The following CADM2 variants were observed in gnomAD, a reference collection of about 807,000 sequenced individuals.
CADM2 encodes the protein cell adhesion molecule 2.
In CADM2, 12 loss-of-function variants were observed where a neutral mutation model predicts 49.8. The observed-to-expected ratio is 0.24, with a 90% CI of 0.15 to 0.39. The LOEUF is 0.39. Among genes scored for constraint, CADM2 ranks in the 10% least tolerant of loss-of-function variants. The probability of loss-of-function intolerance (pLI) is 1.00; values close to 1 mark genes in which losing one functional copy is unlikely to be tolerated. For synonymous variants in CADM2, 214 were observed against 175.4 expected (o/e 1.22, Z -1.74); for missense variants, 378 against 492.3 (o/e 0.77, Z 2.20).
At chr3:86,039,387 A>G (rs1381660721) in intron 8 of CADM2, among the ~76,000 whole-genome samples, 4 of 152,154 alleles carry the variant, frequency 2.6e-5, no homozygotes, top group Non-Finnish European at 5.9e-5. Flanking sequence ...TCTCACCCTA[A>G]TACTGTGCTT....
chr3:86,038,570 G>A (rs1380602626), intron 8 of CADM2, among the ~76,000 whole-genome samples: 1 of 152,224 alleles, frequency 6.6e-6, no homozygotes, highest in East Asian at 1.9e-4. Context: ...CCCCTCACAG[G>A]CATGTGCATG....
At chr3:85,435,825 G>A (rs994146557) in intron 1 of CADM2, among the ~76,000 whole-genome samples, 1 of 152,098 alleles carries the variant, frequency 6.6e-6, no homozygotes, top group African/African-American at 2.4e-5. Flanking sequence ...CTTTTGAGAA[G>A]TGCCTGTTCG....
At chr3:85,099,186 A>G (rs1312527331) in intron 1 of CADM2, among the ~76,000 whole-genome samples, 2 of 152,198 alleles carry the variant, frequency 1.3e-5, no homozygotes, top group Non-Finnish European at 2.9e-5. Flanking sequence ...TGTGAAGACA[A>G]CATAATACAT....
chr3:85,267,141 A>ATAAAG (rs1553702341), intron 1 of CADM2, among the ~76,000 whole-genome samples: 2 of 151,234 alleles, frequency 1.3e-5, no homozygotes, highest in Admixed American at 6.6e-5. Flanking sequence ...AAGATTAACC[A>ATAAAG]TAATTTGAAG....
intron 1 of CADM2, among the ~76,000 whole-genome samples, chr3:85,142,293 A>G (rs1400669520): frequency 1.3e-5 from 2 of 152,206 alleles, no homozygotes; most frequent in Non-Finnish European, 2.9e-5. Flanking sequence ...GCCTGTAGCT[A>G]TAGTTTTCTA....
chr3:85,175,827 C>G (rs2040767734), intron 1 of CADM2, among the ~76,000 whole-genome samples: 1 of 146,950 alleles, frequency 6.8e-6, no homozygotes, highest in African/African-American at 2.5e-5. Context: ...AGCGGAGTAA[C>G]AAGAGTAAAA....
chr3:85,112,764 T>G (rs1236698893), intron 1 of CADM2, among the ~76,000 whole-genome samples: 1 of 151,722 alleles, frequency 6.6e-6, no homozygotes, highest in African/African-American at 2.4e-5. Flanking sequence ...CTAACAACAT[T>G]AACGTTAGAC....
chr3:85,262,854 T>C (rs1363859700), intron 1 of CADM2, among the ~76,000 whole-genome samples: 8 of 150,254 alleles, frequency 5.3e-5, no homozygotes, highest in Non-Finnish European at 1.2e-4. Context: ...AAAATCAAAA[T>C]GCATTGATTT....
At chr3:85,050,051 A>G (rs958618960) in intron 1 of CADM2, among the ~76,000 whole-genome samples, 3 of 151,636 alleles carry the variant, frequency 2.0e-5, no homozygotes, top group Non-Finnish European at 2.9e-5. Flanking sequence ...GAATCAATAT[A>G]ATCTTTATGG....
intron 1 of CADM2, among the ~76,000 whole-genome samples, chr3:85,123,295 G>A (rs1182797404): frequency 1.3e-5 from 2 of 152,262 alleles, no homozygotes; most frequent in East Asian, 1.9e-4. Flanking sequence ...AAGCAATGAG[G>A]TTTCTTGTTA....
chr3:85,311,590 A>T (rs2044345667), intron 1 of CADM2, among the ~76,000 whole-genome samples: 2 of 151,822 alleles, frequency 1.3e-5, no homozygotes, highest in African/African-American at 2.4e-5. Context: ...GTTAGCCAGG[A>T]TAGTCTTGAT....
At chr3:85,336,758 A>G (rs1211989291) in intron 1 of CADM2, among the ~76,000 whole-genome samples, 1 of 150,004 alleles carries the variant, frequency 6.7e-6, no homozygotes, top group Non-Finnish European at 1.5e-5. Context: ...AAAATTTCGT[A>G]TATGAAACAT....
At chr3:85,146,995 G>A (rs1015295466) in intron 1 of CADM2, among the ~76,000 whole-genome samples, 3 of 151,998 alleles carry the variant, frequency 2.0e-5, no homozygotes, top group African/African-American at 7.2e-5. Context: ...GAGTAAGGCC[G>A]GGCGCAGTGG....
At chr3:85,300,577 T>C (rs749146661) in intron 1 of CADM2, among the ~76,000 whole-genome samples, 2 of 152,094 alleles carry the variant, frequency 1.3e-5, no homozygotes, top group Non-Finnish European at 2.9e-5. Context: ...AAACCTCTTC[T>C]GAACTAATCA....
intron 5 of CADM2, among the ~76,000 whole-genome samples, chr3:85,890,792 A>G (rs539418543): frequency 6.4e-4 from 97 of 152,026 alleles, no homozygotes; most frequent in African/African-American, 2.3e-3. Context: ...TTCACAAAGG[A>G]GTAGAATTCA....
intron 7 of CADM2, among the ~76,000 whole-genome samples, chr3:85,948,481 T>A (rs1281758335): frequency 1.3e-5 from 2 of 151,406 alleles, no homozygotes; most frequent in Non-Finnish European, 3.0e-5. Context: ...GGAAATAAAA[T>A]GTGAAAAATA....
chr3:85,494,763 A>C (rs1576654999), intron 1 of CADM2, among the ~76,000 whole-genome samples: 3 of 152,252 alleles, frequency 2.0e-5, no homozygotes, highest in Non-Finnish European at 2.9e-5. Context: ...TAATTAACAT[A>C]AGCTCTTCAA....
chr3:86,020,757 T>C (rs1733047511), intron 8 of CADM2, among the ~76,000 whole-genome samples: 1 of 152,184 alleles, frequency 6.6e-6, no homozygotes, highest in South Asian at 2.1e-4. Context: ...TTTCAATAGA[T>C]GCAGAAAAAG....
chr3:85,812,873 A>G (rs2072967183), intron 3 of CADM2, among the ~76,000 whole-genome samples: 1 of 152,142 alleles, frequency 6.6e-6, no homozygotes, highest in African/African-American at 2.4e-5. Flanking sequence ...TGCAAACAAT[A>G]TGAACTCATC....
Sources: allele counts gnomAD v4.1 joint callset (sites outside exome capture counted in the v4.1 genomes callset), GRCh38; gene constraint gnomAD v4.1.1; transcripts MANE v1.5; gene names NCBI Gene and HGNC (gene_info 2026-07-23, HGNC 2026-07-21).